VEPH1: variants seen among roughly 807,000 people sequenced by gnomAD.
VEPH1 encodes the protein ventricular zone-expressed PH domain-containing protein homolog 1.
In VEPH1, 80 loss-of-function variants were observed where a neutral mutation model predicts 85.2. The observed-to-expected ratio is 0.94, with a 90% CI of 0.78 to 1.13. The LOEUF is 1.13. VEPH1 is among the 50% of genes most tolerant of loss of function. The pLI, the probability that VEPH1 is intolerant of heterozygous loss-of-function variation, is 0.00. For synonymous variants in VEPH1, 297 were observed against 348.0 expected, an observed-to-expected ratio of 0.85 and a Z score of 1.63; for missense variants, 955 against 980.5, an observed-to-expected ratio of 0.97 and a Z score of 0.35.
At chr3:157,364,648 T>A in intron 7 of VEPH1, 136 bp from the exon 8 acceptor site, 1 of 784,508 alleles carries the variant, frequency 1.3e-6, no homozygotes, top group Non-Finnish European at 2.0e-6. Context: ...ATTTAACAAG[T>A]ATTTACTGCA....
At chr3:157,333,023 A>G (rs1179929737) in intron 9 of VEPH1, among the ~76,000 whole-genome samples, 1 of 152,168 alleles carries the variant, frequency 6.6e-6, no homozygotes. Context: ...ACTGCTTACA[A>G]TTACAGAAAA....
intron 3 of VEPH1, among the ~76,000 whole-genome samples, chr3:157,469,445 T>C (rs1160738372): frequency 6.6e-6 from 1 of 152,204 alleles, no homozygotes; most frequent in African/African-American, 2.4e-5. Context: ...GGGATGTTCA[T>C]AGTGTTGTGT....
At chr3:157,272,436 T>C (rs1230002195) in intron 12 of VEPH1, among the ~76,000 whole-genome samples, 4 of 139,842 alleles carry the variant, frequency 2.9e-5, no homozygotes, top group South Asian at 2.3e-4. Context: ...TCTTTCTTTC[T>C]TTCCTTCTCT....
intron 7 of VEPH1, among the ~76,000 whole-genome samples, chr3:157,366,824 A>G (rs1726764061): frequency 6.6e-6 from 1 of 152,204 alleles, no homozygotes; most frequent in African/African-American, 2.4e-5. Flanking sequence ...AAGGGCTGGT[A>G]ACTAATTTTT....
chr3:157,316,910 TA>T (rs979596417), intron 10 of VEPH1, 151 bp downstream of exon 10: 2 of 696,072 alleles, frequency 2.9e-6, no homozygotes, highest in Non-Finnish European at 2.1e-6. Flanking sequence ...TCCTAAAATA[TA>T]AAAAACCGAG....
intron 4 of VEPH1, among the ~76,000 whole-genome samples, chr3:157,438,613 G>A (rs566419630): frequency 6.6e-6 from 1 of 152,260 alleles, no homozygotes; most frequent in African/African-American, 2.4e-5. Flanking sequence ...AATCCGTGTA[G>A]GGGATCCCAG....
At chr3:157,429,431 T>C (rs895455130) in intron 4 of VEPH1, among the ~76,000 whole-genome samples, 2 of 152,180 alleles carry the variant, frequency 1.3e-5, no homozygotes, top group Non-Finnish European at 2.9e-5. Context: ...GATATGATCA[T>C]TAAAGAAAGA....
chr3:157,341,104 A>T (rs1723503057), intron 9 of VEPH1, among the ~76,000 whole-genome samples: 1 of 152,240 alleles, frequency 6.6e-6, no homozygotes, highest in African/African-American at 2.4e-5. Context: ...TGAAAATTCT[A>T]AAAATCAGAG....
chr3:157,470,334 T>C lies in VEPH1; in HGVS notation c.334A>G (p.Ile112Val), dbSNP rs1736807410. The change falls in exon 3 of 14, where the codon ATC becomes GTC. Residue 112 changes from isoleucine to valine, a missense_variant. Ile to Val is a conservative substitution (Grantham distance 29). Coordinates refer to ENST00000362010, the MANE Select transcript of VEPH1 (RefSeq NM_001167912.2). ...DTPHAKIASD[I>V]MSCILQNYNR... ...CATACCTGTAAAATGCAACTCATGA[T>C]ATCAGATGCGATTTTTGCATGAGGA... is the stretch of plus-strand genomic sequence containing the variant. 11 of 1,614,030 alleles carry C rather than the reference T, an allele frequency of 6.8e-6. No homozygotes were observed. In the South Asian group the frequency reaches 8.8e-5, roughly 13 times the overall value.
chr3:157,356,035 G>A (rs564615025), intron 9 of VEPH1, among the ~76,000 whole-genome samples: 21 of 151,902 alleles, frequency 1.4e-4, no homozygotes, highest in African/African-American at 4.8e-4. Flanking sequence ...AAGCAGCTGG[G>A]ACTACAAGTG....
At position 157,460,338 on chromosome 3, in the gene VEPH1, TG is replaced by T. The variant is rs1735745133; in HGVS notation, c.371del (p.Pro124GlnfsTer2). On this transcript the variant is annotated frameshift_variant, in exon 4 of 14. Transcript: ENST00000362010. LOFTEE classifies it high-confidence loss of function. ...SCILQNYNRP[P>X]VMALAIPIAV... ...CAATGGGGATGGCTAATGCCATCAC[TG>T]GGGGTCGGTTGTAATTCTGAGGAAA... 6.2e-7 allele frequency: 1 copy of T among 1,612,786 alleles called. No individual in the cohort carries two copies. The highest frequency in any genetic ancestry group is 1.1e-5 in the South Asian group (1 of 90,950).
At chr3:157,347,744 C>T (rs1454607051) in intron 9 of VEPH1, among the ~76,000 whole-genome samples, 2 of 152,198 alleles carry the variant, frequency 1.3e-5, no homozygotes, top group African/African-American at 2.4e-5. Flanking sequence ...AGCAGAAGAT[C>T]CGCATCATCC....
At chr3:157,305,254 C>T (rs1006315173) in intron 11 of VEPH1, among the ~76,000 whole-genome samples, 1 of 149,976 alleles carries the variant, frequency 6.7e-6, no homozygotes, top group Admixed American at 6.6e-5. Flanking sequence ...GGACTACAGG[C>T]GCCCGCCACT....
chr3:157,496,208 C>T (rs1414698524), intron 1 of VEPH1, among the ~76,000 whole-genome samples: 1 of 152,226 alleles, frequency 6.6e-6, no homozygotes, highest in Non-Finnish European at 1.5e-5. Flanking sequence ...TGGGATCAGG[C>T]AACTCTCCCT....
At chr3:157,347,185 A>C (rs1377143421) in intron 9 of VEPH1, among the ~76,000 whole-genome samples, 1 of 151,936 alleles carries the variant, frequency 6.6e-6, no homozygotes, top group African/African-American at 2.4e-5. Context: ...CAGTTTAAAA[A>C]CTGTTAAAAA....
At chr3:157,326,109 T>C (rs1167392898) in intron 9 of VEPH1, among the ~76,000 whole-genome samples, 12 of 152,180 alleles carry the variant, frequency 7.9e-5, no homozygotes, top group African/African-American at 2.4e-4. Flanking sequence ...GAATGGGAGT[T>C]CATTCATGAT....
At chr3:157,293,776 A>G (rs747285572) in intron 11 of VEPH1, among the ~76,000 whole-genome samples, 1 of 152,242 alleles carries the variant, frequency 6.6e-6, no homozygotes, top group Non-Finnish European at 1.5e-5. Flanking sequence ...CAAGTTTTAT[A>G]AATGTTTGAT....
At chr3:157,376,713 A>C (rs887149880) in intron 7 of VEPH1, among the ~76,000 whole-genome samples, 1 of 152,256 alleles carries the variant, frequency 6.6e-6, no homozygotes, top group Non-Finnish European at 1.5e-5. Flanking sequence ...CATTTGGCAC[A>C]AGAAAGCCTC....
chr3:157,473,215 G>A (rs533588153), intron 2 of VEPH1, among the ~76,000 whole-genome samples: 1 of 151,730 alleles, frequency 6.6e-6, no homozygotes, highest in East Asian at 1.9e-4. Context: ...TGGGACTATA[G>A]GAGCATGCCA....
Sources: allele counts gnomAD v4.1 joint callset (sites outside exome capture counted in the v4.1 genomes callset), GRCh38; gene constraint gnomAD v4.1.1; transcripts MANE v1.5; gene names NCBI Gene and HGNC (gene_info 2026-07-23, HGNC 2026-07-21).